Variants in ADRA1A observed in about 807,000 individuals in gnomAD.
ADRA1A encodes alpha-1A adrenergic receptor.
In ADRA1A, 31 loss-of-function variants were observed where a neutral mutation model predicts 29.6. The observed-to-expected ratio is 1.05, with a 90% CI of 0.79 to 1.41. The LOEUF is 1.41. ADRA1A is among the 40% of genes most tolerant of loss of function. The pLI is 0.00. For missense variants in ADRA1A, 619 were observed against 601.1 expected (o/e 1.03, Z -0.31); for synonymous variants, 311 against 254.3 (o/e 1.22, Z -2.12).
downstream of ADRA1A, among the ~76,000 whole-genome samples, chr8:26,753,769 C>A (rs17055908): frequency 0.068 from 10,300 of 152,270 alleles, 357 homozygotes; most frequent in Middle Eastern, 0.11. Flanking sequence ...CTCCATTTCT[C>A]AAGAGACATT....
intron 2 of ADRA1A, among the ~76,000 whole-genome samples, chr8:26,851,305 C>T (rs1195905841): frequency 2.0e-5 from 3 of 152,102 alleles, no homozygotes; most frequent in Non-Finnish European, 4.4e-5. Context: ...TTTTGAAAAA[C>T]TAGAAAGTTA....
downstream of ADRA1A, among the ~76,000 whole-genome samples, chr8:26,761,716 A>T (rs1334074310): frequency 6.6e-6 from 1 of 152,352 alleles, no homozygotes; most frequent in South Asian, 2.1e-4. Context: ...TGGCTAGGAC[A>T]CTAATATGGC....
At chr8:26,766,660 A>AG (rs1805806707), downstream of ADRA1A, among the ~76,000 whole-genome samples, 1 of 152,172 alleles carries the variant, frequency 6.6e-6, no homozygotes, top group South Asian at 2.1e-4. Context: ...CTCTTGAGGA[A>AG]GGGGGGCTAT....
At chr8:26,828,720 A>T (rs1810766879) in intron 2 of ADRA1A, among the ~76,000 whole-genome samples, 1 of 152,162 alleles carries the variant, frequency 6.6e-6, no homozygotes. Flanking sequence ...TGATTAAATG[A>T]AGTCACAGGG....
chr8:26,769,915 T>C lies in ADRA1A; in HGVS notation c.*234A>G. The C allele has an allele frequency of 7.9e-7, 1 of 1,266,276 alleles. No individual in the cohort carries two copies. The allele number at this position is 1,266,276 out of a possible 1,614,324, so 78.4% of individuals were successfully genotyped here. ...GGGCACAGAGTGACCAAGAAAGCAT[T>C]AGCTGCAGGGAAATGCTGTTCCGTA... On this transcript the variant is annotated 3_prime_UTR_variant, in exon 3 of 3. Coordinates refer to ENST00000380573, the MANE Select transcript of ADRA1A (RefSeq NM_000680.4).
intron 2 of ADRA1A, among the ~76,000 whole-genome samples, chr8:26,759,296 A>G (rs542310037): frequency 9.2e-5 from 14 of 152,298 alleles, no homozygotes; most frequent in African/African-American, 3.1e-4. Flanking sequence ...GGGGCCAGAT[A>G]AGCTGCTGGG....
chr8:26,793,544 G>A (rs1807975939), intron 2 of ADRA1A, among the ~76,000 whole-genome samples: 1 of 151,906 alleles, frequency 6.6e-6, no homozygotes, highest in East Asian at 1.9e-4. Flanking sequence ...CATTTAAGCT[G>A]ATTCATTGAA....
In ADRA1A at chr8:26,825,129, G is replaced by C. The variant is rs1458264856; in HGVS notation, c.883+38958C>G. Among the ~76,000 whole-genome samples the C allele has an allele frequency of 6.6e-6, 1 of 152,186 alleles. No individual in the cohort carries two copies. Among genetic ancestry groups the C allele is most frequent in the African/African-American group, 2.4e-5 (1 of 41,440 alleles). ...CATAAAACAATGCCTGCATGCTCCAGAGAGACCCCCAGCCCCCACATGTCC... is the reference window on the plus strand; with the variant it reads ...CATAAAACAATGCCTGCATGCTCCACAGAGACCCCCAGCCCCCACATGTCC... On this transcript the variant is annotated intron_variant, in intron 2 of 2. Transcript: ENST00000380573. This position sits in a 1 kb window ranked among gnomAD's most constrained non-coding sequence, Gnocchi z 5.7.
intron 2 of ADRA1A, among the ~76,000 whole-genome samples, chr8:26,778,295 A>C (rs1030860589): frequency 6.6e-6 from 1 of 152,134 alleles, no homozygotes; most frequent in Non-Finnish European, 1.5e-5. Context: ...GTGTCCAATA[A>C]ATAATTTGAT....
chr8:26,761,001 G>C (rs1469920905), downstream of ADRA1A, among the ~76,000 whole-genome samples: 3 of 152,186 alleles, frequency 2.0e-5, no homozygotes, highest in Non-Finnish European at 4.4e-5. Context: ...GTTCTGCTGT[G>C]CACCCCTCTC....
chr8:26,779,336 C>T (rs1401468331), intron 2 of ADRA1A: 6 of 702,774 alleles, frequency 8.5e-6, no homozygotes, highest in Non-Finnish European at 1.6e-5. Context: ...AATTTTCCTT[C>T]TCCATCACCT....
chr8:26,807,232 C>T (rs1809060206), intron 2 of ADRA1A, among the ~76,000 whole-genome samples: 1 of 152,176 alleles, frequency 6.6e-6, no homozygotes, highest in South Asian at 2.1e-4. Context: ...CTAGTCTCCC[C>T]TTCTTTATCA....
chr8:26,849,883 G>A (rs1320554979), intron 2 of ADRA1A, among the ~76,000 whole-genome samples: 1 of 151,934 alleles, frequency 6.6e-6, no homozygotes, highest in Non-Finnish European at 1.5e-5. Context: ...TGGACAGTGT[G>A]CCCACCATAT....
In ADRA1A at chr8:26,806,930, C is replaced by G. The variant is rs1481502745; in HGVS notation, c.884-36264G>C. Among the ~76,000 whole-genome samples the G allele has an allele frequency of 6.6e-6, 1 of 152,162 alleles. No individual in the cohort carries two copies. The highest frequency in any genetic ancestry group is 6.5e-5 in the Admixed American group (1 of 15,286). On this transcript the variant is annotated intron_variant, in intron 2 of 2. Transcript: ENST00000380573. The surrounding 1 kb of genome is among the most constrained non-coding windows in gnomAD (Gnocchi z 4.6). ...AAACTCTGATAAGCTGGGTCTTTAC[C>G]AAGGGCCAAAGTGGCTTGGCTTTGG...
At chr8:26,764,706 C>T (rs368783679), downstream of ADRA1A, among the ~76,000 whole-genome samples, 1 of 152,194 alleles carries the variant, frequency 6.6e-6, no homozygotes, top group African/African-American at 2.4e-5. Flanking sequence ...AAGATAGGCA[C>T]AATTACTTTG....
intron 2 of ADRA1A, among the ~76,000 whole-genome samples, chr8:26,799,382 G>A (rs890602520): frequency 6.6e-6 from 1 of 152,136 alleles, no homozygotes; most frequent in Non-Finnish European, 1.5e-5. Context: ...AACTGAGATG[G>A]GTGAAATTTG....
chr8:26,809,848 C>T (rs1466403700), intron 2 of ADRA1A, among the ~76,000 whole-genome samples: 2 of 152,214 alleles, frequency 1.3e-5, no homozygotes, highest in Non-Finnish European at 2.9e-5. Flanking sequence ...CAATCATGGA[C>T]ATGGCTTACC....
At chr8:26,863,985 G>A in intron 2 of ADRA1A, 102 bp downstream of exon 2, 1 of 1,257,294 alleles carries the variant, frequency 8.0e-7, no homozygotes, top group Non-Finnish European at 1.1e-6. Context: ...TGTTTGAAAT[G>A]CTAATCCTTC....
intron 2 of ADRA1A, among the ~76,000 whole-genome samples, chr8:26,789,323 A>G (rs1807641622): frequency 1.3e-5 from 2 of 152,212 alleles, no homozygotes; most frequent in South Asian, 2.1e-4. Flanking sequence ...ACATAGACCA[A>G]TGGAATAGAA....
Sources: gnomAD v4.1 joint callset for allele counts (sites outside exome capture counted in the v4.1 genomes callset) on GRCh38, gnomAD v4.1.1 for gene constraint, Gnocchi (gnomAD v3.1) non-coding constraint, MANE v1.5 for transcripts, NCBI Gene and HGNC (gene_info 2026-07-23, HGNC 2026-07-21) for gene names.